DYNC1I1: variants seen among roughly 807,000 people sequenced by gnomAD.
The protein encoded by DYNC1I1 is cytoplasmic dynein 1 intermediate chain 1.
A neutral mutation model predicts 86.6 loss-of-function variants in DYNC1I1; 43 were observed. That is an observed-to-expected ratio of 0.50 (90% CI 0.39 to 0.64). The LOEUF (loss-of-function observed/expected upper bound fraction) is 0.64. Among genes scored for constraint, DYNC1I1 ranks in the 30% least tolerant of loss-of-function variants. The probability of loss-of-function intolerance (pLI) is 0.00; values close to 1 mark genes in which losing one functional copy is unlikely to be tolerated. For missense variants in DYNC1I1, 604 were observed against 788.8 expected (o/e 0.77, Z 2.81); for synonymous variants, 262 against 283.7 (o/e 0.92, Z 0.77).
intron 16 of DYNC1I1, among the ~76,000 whole-genome samples, chr7:96,095,932 G>C (rs1373597516): frequency 6.6e-6 from 1 of 152,064 alleles, no homozygotes; most frequent in African/African-American, 2.4e-5. Flanking sequence ...TTGTGAACTT[G>C]TGTTATTGCC....
chr7:95,828,619 C>T (rs1795254782), intron 5 of DYNC1I1, among the ~76,000 whole-genome samples: 1 of 151,616 alleles, frequency 6.6e-6, no homozygotes, highest in Non-Finnish European at 1.5e-5. Context: ...TAAAAAAAAC[C>T]AAGGAAATTA....
chr7:96,041,651 TGAA>T (rs1226391495), intron 14 of DYNC1I1, among the ~76,000 whole-genome samples: 1 of 152,130 alleles, frequency 6.6e-6, no homozygotes, highest in African/African-American at 2.4e-5. Context: ...TAAGAAAAAA[TGAA>T]GAAGACTTCT....
At chr7:96,062,209 TG>T (rs1789803216) in intron 14 of DYNC1I1, among the ~76,000 whole-genome samples, 1 of 152,186 alleles carries the variant, frequency 6.6e-6, no homozygotes, top group African/African-American at 2.4e-5. Flanking sequence ...TAAAGTCAGG[TG>T]GTTTCAAGTC....
chr7:95,893,384 A>G (rs1416077969), intron 6 of DYNC1I1, among the ~76,000 whole-genome samples: 1 of 152,198 alleles, frequency 6.6e-6, no homozygotes, highest in African/African-American at 2.4e-5. Context: ...ACAGGAAAGC[A>G]TGTGATATTT....
intron 10 of DYNC1I1, among the ~76,000 whole-genome samples, chr7:96,020,454 C>T (rs1228331193): frequency 6.6e-6 from 1 of 152,102 alleles, no homozygotes. Context: ...ACCCACCCGC[C>T]AGCGCAAGAA....
intron 14 of DYNC1I1, among the ~76,000 whole-genome samples, chr7:96,053,959 A>G (rs1244869298): frequency 6.6e-6 from 1 of 152,138 alleles, no homozygotes; most frequent in African/African-American, 2.4e-5. Context: ...TAGTGGAAAA[A>G]TATAATTAAT....
chr7:95,961,561 G>A (rs1792869266), intron 6 of DYNC1I1, among the ~76,000 whole-genome samples: 1 of 152,092 alleles, frequency 6.6e-6, no homozygotes, highest in African/African-American at 2.4e-5. Context: ...TGAAGGCACT[G>A]GGAACAATAT....
chr7:96,044,133 T>C (rs1284388874), intron 14 of DYNC1I1, among the ~76,000 whole-genome samples: 1 of 152,246 alleles, frequency 6.6e-6, no homozygotes, highest in East Asian at 1.9e-4. Flanking sequence ...AGCTTGTGAA[T>C]GTAGGTGACT....
At chr7:95,931,426 G>A (rs908775718) in intron 6 of DYNC1I1, among the ~76,000 whole-genome samples, 1 of 152,190 alleles carries the variant, frequency 6.6e-6, no homozygotes, top group Non-Finnish European at 1.5e-5. Flanking sequence ...TGGGATTACA[G>A]GCGTGAGCCA....
intron 10 of DYNC1I1, among the ~76,000 whole-genome samples, chr7:96,003,823 C>T (rs1794075744): frequency 6.6e-6 from 1 of 151,950 alleles, no homozygotes; most frequent in African/African-American, 2.4e-5. Flanking sequence ...AGGGATGGAA[C>T]CACTTCTAGA....
intron 5 of DYNC1I1, among the ~76,000 whole-genome samples, chr7:95,831,323 A>G (rs917710475): frequency 1.3e-5 from 2 of 152,064 alleles, no homozygotes; most frequent in Non-Finnish European, 2.9e-5. Context: ...GTAGAACACA[A>G]TTCACCTATG....
chr7:95,941,749 G>A (rs543715075), intron 6 of DYNC1I1, among the ~76,000 whole-genome samples: 9 of 152,280 alleles, frequency 5.9e-5, no homozygotes, highest in South Asian at 2.1e-4. Context: ...GACCACTTGC[G>A]CTTCCCAAGT....
intron 5 of DYNC1I1, among the ~76,000 whole-genome samples, chr7:95,834,556 C>T (rs1423950269): frequency 7.4e-6 from 1 of 134,988 alleles, no homozygotes; most frequent in African/African-American, 2.8e-5. Flanking sequence ...GTACCAGTTC[C>T]TCCTTGTACC....
chr7:96,094,717 C>A (rs1790952356), intron 16 of DYNC1I1, among the ~76,000 whole-genome samples: 1 of 152,128 alleles, frequency 6.6e-6, no homozygotes, highest in Admixed American at 6.5e-5. Flanking sequence ...TGCAGTTCAC[C>A]TTCTAAATCT....
At chr7:96,079,011 C>G (rs1790430334) in intron 15 of DYNC1I1, among the ~76,000 whole-genome samples, 1 of 148,584 alleles carries the variant, frequency 6.7e-6, no homozygotes, top group African/African-American at 2.4e-5. Context: ...GAGCCGGGGA[C>G]TTTTGGGGTT....
chr7:96,016,212 A>G (rs1490847537), intron 10 of DYNC1I1, among the ~76,000 whole-genome samples: 1 of 151,890 alleles, frequency 6.6e-6, no homozygotes, highest in Non-Finnish European at 1.5e-5. Context: ...GAATGATCCA[A>G]CTGATTCTGT....
Position 95,939,743 on chromosome 7 carries a change from CTT to C in DYNC1I1, c.491-37767_491-37766del, listed in dbSNP as rs533105844. 4.3e-4 allele frequency among the ~76,000 whole-genome samples: 66 copies of C among 152,062 alleles called. No individual in the cohort carries two copies. The South Asian group carries it at 0.013, about 31-fold the overall frequency. Reference sequence around the variant, plus strand: ...TACAGCACACTGATGGGTCTTGACTCTTTATCCAATTTGCCAGTCTGTTTCTT... The same window carrying C: ...TACAGCACACTGATGGGTCTTGACTCTATCCAATTTGCCAGTCTGTTTCTT... On this transcript the variant is annotated intron_variant, in intron 6 of 16. Coordinates refer to ENST00000447467, the MANE Select transcript of DYNC1I1 (RefSeq NM_001135556.2).
intron 6 of DYNC1I1, among the ~76,000 whole-genome samples, chr7:95,936,150 A>G (rs967766706): frequency 2.0e-5 from 3 of 152,068 alleles, no homozygotes; most frequent in Admixed American, 1.3e-4. Context: ...CTGCAAGAGA[A>G]TAGTTATTAT....
chr7:95,820,907 T>C (rs568532063), intron 4 of DYNC1I1, among the ~76,000 whole-genome samples: 15 of 152,354 alleles, frequency 9.8e-5, no homozygotes, highest in African/African-American at 3.4e-4. Context: ...AGATAAGATA[T>C]GCTTTCCTTC....
Sources: gnomAD v4.1 joint callset for allele counts (sites outside exome capture counted in the v4.1 genomes callset) on GRCh38, gnomAD v4.1.1 for gene constraint, MANE v1.5 for transcripts, NCBI Gene and HGNC (gene_info 2026-07-23, HGNC 2026-07-21) for gene names.